RALYL: variants seen among roughly 807,000 people sequenced by gnomAD.
RALYL encodes the protein RNA-binding Raly-like protein.
A neutral mutation model predicts 35.1 loss-of-function variants in RALYL; 29 were observed. That is an observed-to-expected ratio of 0.83 (90% CI 0.61 to 1.13). The LOEUF (loss-of-function observed/expected upper bound fraction) is 1.13. RALYL is among the 50% of genes most tolerant of loss of function. The pLI is 0.00. For synonymous variants in RALYL, 120 were observed against 127.6 expected (o/e 0.94, Z 0.40); for missense variants, 359 against 360.4 (o/e 1.00, Z 0.03).
chr8:84,699,809 A>G (rs1458829440), intron 2 of RALYL, among the ~76,000 whole-genome samples: 2 of 152,178 alleles, frequency 1.3e-5, no homozygotes, highest in African/African-American at 2.4e-5. Context: ...ATCCGAAAAG[A>G]GACCTTGTAC....
intron 2 of RALYL, among the ~76,000 whole-genome samples, chr8:84,770,609 C>A (rs1472770407): frequency 6.6e-6 from 1 of 152,088 alleles, no homozygotes. Flanking sequence ...CTTTTAGTTT[C>A]TTAAGGAATC....
chr8:84,277,463 C>T (rs923798736), intron 1 of RALYL, among the ~76,000 whole-genome samples: 2 of 152,138 alleles, frequency 1.3e-5, no homozygotes, highest in African/African-American at 4.8e-5. Context: ...CCAGCCCCTC[C>T]CAAATCTTAT....
intron 5 of RALYL, among the ~76,000 whole-genome samples, chr8:84,852,233 C>G (rs939337411): frequency 6.6e-6 from 1 of 152,150 alleles, no homozygotes; most frequent in Non-Finnish European, 1.5e-5. Context: ...CTGCAATGGT[C>G]AAACTACTGA....
At chr8:84,745,903 C>T (rs562529609) in intron 2 of RALYL, among the ~76,000 whole-genome samples, 11 of 152,072 alleles carry the variant, frequency 7.2e-5, no homozygotes, top group Admixed American at 1.3e-4. Context: ...GGACAGCTAG[C>T]ATCATGGTTC....
At chr8:84,842,898 C>T (rs986616972) in intron 4 of RALYL, among the ~76,000 whole-genome samples, 7 of 152,084 alleles carry the variant, frequency 4.6e-5, no homozygotes, top group Admixed American at 3.9e-4. Flanking sequence ...CACAGAAAGG[C>T]CTTTGACAAA....
intron 1 of RALYL, among the ~76,000 whole-genome samples, chr8:84,244,848 A>T (rs946396969): frequency 1.3e-5 from 2 of 152,156 alleles, no homozygotes; most frequent in Non-Finnish European, 2.9e-5. Flanking sequence ...ACTTGTGAAG[A>T]TGGTGAAGGG....
At chr8:84,777,048 C>G (rs1816997969) in intron 3 of RALYL, among the ~76,000 whole-genome samples, 1 of 152,122 alleles carries the variant, frequency 6.6e-6, no homozygotes, top group African/African-American at 2.4e-5. Flanking sequence ...AAAAAATTAC[C>G]TTAATTTTAT....
At chr8:84,832,396 T>C (rs758111760) in intron 4 of RALYL, among the ~76,000 whole-genome samples, 13 of 152,176 alleles carry the variant, frequency 8.5e-5, no homozygotes, top group Non-Finnish European at 1.6e-4. Context: ...GTCTGAGTTC[T>C]TTTCTTTTTC....
Position 84,468,409 on chromosome 8 carries a change from G to T in RALYL, c.-23-60890G>T, listed in dbSNP as rs199804253. On this transcript the variant is annotated intron_variant, in intron 1 of 8. Coordinates refer to ENST00000521268, the MANE Select transcript of RALYL (RefSeq NM_173848.7). The stretch of plus-strand genomic sequence containing the variant: ...ATTTCTCCTTCACTTATGAAGCTTA[G>T]TTTGGCTGGATATGAAATTCTGGGT... Among the ~76,000 whole-genome samples, 177 of 151,136 alleles carry T rather than the reference G, an allele frequency of 1.2e-3. 2 individuals are homozygous for T. The East Asian group carries it at 0.027, about 23-fold the overall frequency.
chr8:84,357,597 G>T (rs968298817), intron 1 of RALYL, among the ~76,000 whole-genome samples: 3 of 151,690 alleles, frequency 2.0e-5, no homozygotes, highest in East Asian at 1.9e-4. Context: ...GTCTTTTCAA[G>T]AATTTTAATG....
At chr8:84,713,489 A>T (rs1160841198) in intron 2 of RALYL, among the ~76,000 whole-genome samples, 1 of 152,036 alleles carries the variant, frequency 6.6e-6, no homozygotes, top group Admixed American at 6.6e-5. Context: ...TCATCAGGGA[A>T]ATACAAATTA....
chr8:84,533,109 T>A (rs2059377930), intron 2 of RALYL, among the ~76,000 whole-genome samples: 1 of 152,110 alleles, frequency 6.6e-6, no homozygotes, highest in Non-Finnish European at 1.5e-5. Flanking sequence ...AATGTAAAAA[T>A]CCTCATAAAA....
chr8:84,758,441 G>C (rs543781445), intron 2 of RALYL, among the ~76,000 whole-genome samples: 25 of 152,188 alleles, frequency 1.6e-4, no homozygotes, highest in Non-Finnish European at 3.4e-4. Flanking sequence ...ATTTCTGTGG[G>C]TCAGGAACCT....
chr8:84,405,030 T>C (rs116051253), intron 1 of RALYL, among the ~76,000 whole-genome samples: 4,494 of 152,086 alleles, frequency 0.03, 221 homozygotes, highest in African/African-American at 0.1. Flanking sequence ...GACCACAGGG[T>C]AAGCAAATTA....
At chr8:84,841,997 T>C (rs1402163930) in intron 4 of RALYL, among the ~76,000 whole-genome samples, 2 of 152,154 alleles carry the variant, frequency 1.3e-5, no homozygotes, top group East Asian at 3.9e-4. Flanking sequence ...TAGCACTAAA[T>C]GCCCACAAGA....
At chr8:84,381,263 A>AT (rs1001795889) in intron 1 of RALYL, among the ~76,000 whole-genome samples, 1 of 151,832 alleles carries the variant, frequency 6.6e-6, no homozygotes, top group African/African-American at 2.4e-5. Context: ...AAGTTTTAAT[A>AT]TTTATATTTA....
At chr8:84,711,663 T>C (rs1275765026) in intron 2 of RALYL, among the ~76,000 whole-genome samples, 2 of 152,170 alleles carry the variant, frequency 1.3e-5, no homozygotes, top group South Asian at 2.1e-4. Flanking sequence ...TCTCAATTGA[T>C]GTGTAAAATT....
intron 2 of RALYL, among the ~76,000 whole-genome samples, chr8:84,610,726 T>G (rs1380705117): frequency 6.6e-6 from 1 of 152,138 alleles, no homozygotes; most frequent in Non-Finnish European, 1.5e-5. Flanking sequence ...TTTATATCAG[T>G]ATGGAATGAT....
intron 2 of RALYL, among the ~76,000 whole-genome samples, chr8:84,592,447 ATC>A (rs1813512961): frequency 6.6e-6 from 1 of 152,112 alleles, no homozygotes; most frequent in Non-Finnish European, 1.5e-5. Context: ...ATTGATACAG[ATC>A]TGTCTATATA....
Sources: allele counts gnomAD v4.1 joint callset (sites outside exome capture counted in the v4.1 genomes callset), GRCh38; gene constraint gnomAD v4.1.1; transcripts MANE v1.5; gene names NCBI Gene and HGNC (gene_info 2026-07-23, HGNC 2026-07-21).